KIF6: variants seen among roughly 807,000 people sequenced by gnomAD.
KIF6 encodes the protein kinesin-like protein KIF6.
KIF6 carries 106 observed loss-of-function variants against 112.7 expected under a neutral mutation model. The observed-to-expected ratio is 0.94, with a 90% confidence interval of 0.80 to 1.11. The LOEUF (loss-of-function observed/expected upper bound fraction) is 1.11, where lower values mean the gene tolerates loss of function less well. KIF6 is among the 50% of genes least tolerant of loss of function. The pLI is 0.00. For missense variants in KIF6, 929 were observed against 964.0 expected (o/e 0.96, Z 0.48); for synonymous variants, 339 against 339.9 (o/e 1.00, Z 0.03).
intron 7 of KIF6, among the ~76,000 whole-genome samples, chr6:39,590,451 A>ATATATATATATATATT (rs1338373703): frequency 1.2e-5 from 1 of 84,776 alleles, no homozygotes; most frequent in African/African-American, 5.1e-5. Context: ...ATATATATAT[A>ATATATATATATATATT]TTTTTTTTTT....
intron 19 of KIF6, among the ~76,000 whole-genome samples, chr6:39,355,425 G>C (rs1320064380): frequency 6.6e-6 from 1 of 151,652 alleles, no homozygotes; most frequent in Non-Finnish European, 1.5e-5. Flanking sequence ...TTGGTGTTGA[G>C]GGCTCACTGG....
chr6:39,667,034 A>T (rs1421362283), intron 3 of KIF6, among the ~76,000 whole-genome samples: 1 of 152,166 alleles, frequency 6.6e-6, no homozygotes, highest in Non-Finnish European at 1.5e-5. Context: ...AGTTTCACAG[A>T]TCTCTTTCAC....
chr6:39,510,844 G>T (rs1381652122), intron 13 of KIF6, among the ~76,000 whole-genome samples: 68 of 76,988 alleles, frequency 8.8e-4, no homozygotes, highest in Non-Finnish European at 1.6e-4. Flanking sequence ...TAAAGCGATG[G>T]AAGAAGATCT....
At chr6:39,429,711 A>C (rs1446314160) in intron 14 of KIF6, among the ~76,000 whole-genome samples, 1 of 152,182 alleles carries the variant, frequency 6.6e-6, no homozygotes, top group African/African-American at 2.4e-5. Context: ...AGATGAGACC[A>C]TCGTGGCTAA....
chr6:39,476,237 CT>C (rs1436916736), intron 13 of KIF6, among the ~76,000 whole-genome samples: 1 of 151,488 alleles, frequency 6.6e-6, no homozygotes, highest in African/African-American at 2.4e-5. Context: ...AGAAAAGTCA[CT>C]TCAAGTACCA....
intron 10 of KIF6, among the ~76,000 whole-genome samples, chr6:39,570,303 C>A (rs1780573603): frequency 6.6e-6 from 1 of 152,038 alleles, no homozygotes; most frequent in Non-Finnish European, 1.5e-5. Context: ...TGGTAGAGAC[C>A]AGGTCTGGGG....
rs747451614 is a variant in KIF6, at chr6:39,343,749, G to A, written c.2388C>T (p.Ile796=). ...TGCTCTGTCTGGCCTTGATGAAGGC[G>A]ATGATGTCCGAGTCCGTCTGGCTGT... ...TGDSQTDSDI[I]AFIKARQSIL... Residue 796 remains isoleucine (I), a synonymous_variant, in exon 22 of 23, where the codon ATC becomes ATT. Coordinates refer to ENST00000287152, the MANE Select transcript of KIF6 (RefSeq NM_145027.6). The surrounding 1 kb of genome is among the most constrained non-coding windows in gnomAD (Gnocchi z 4.1). 8.3e-5 allele frequency: 134 copies of A among 1,613,120 alleles called. No homozygotes were observed. Among genetic ancestry groups the A allele is most frequent in the Middle Eastern group, 1.7e-4 (1 of 6,058 alleles).
chr6:39,529,770 G>C (rs1275525326), intron 13 of KIF6, among the ~76,000 whole-genome samples: 1 of 151,976 alleles, frequency 6.6e-6, no homozygotes, highest in Non-Finnish European at 1.5e-5. Context: ...CTGGGCGACA[G>C]AGCGAGACTC....
intron 19 of KIF6, 51 bp from the exon 20 acceptor site, chr6:39,346,577 G>C (rs2113916844): frequency 1.5e-6 from 1 of 668,332 alleles, no homozygotes; most frequent in South Asian, 1.7e-5. Flanking sequence ...ATAGTATTTT[G>C]TTATAGCAGC....
intron 3 of KIF6, among the ~76,000 whole-genome samples, chr6:39,640,549 C>T (rs192717407): frequency 4.6e-5 from 7 of 152,212 alleles, no homozygotes; most frequent in African/African-American, 1.7e-4. Context: ...AAACTAGCTA[C>T]GATGACATCA....
At chr6:39,637,327 T>C (rs1784672458) in intron 4 of KIF6, among the ~76,000 whole-genome samples, 1 of 152,080 alleles carries the variant, frequency 6.6e-6, no homozygotes, top group Non-Finnish European at 1.5e-5. Context: ...CACTGAGCTA[T>C]GTGGCAAGCT....
intron 10 of KIF6, among the ~76,000 whole-genome samples, chr6:39,559,967 C>G (rs1156509633): frequency 6.6e-6 from 1 of 152,074 alleles, no homozygotes; most frequent in Admixed American, 6.5e-5. Context: ...AAATATTGCA[C>G]CAGACATATT....
intron 5 of KIF6, among the ~76,000 whole-genome samples, chr6:39,626,294 A>G (rs980385994): frequency 1.3e-5 from 2 of 152,192 alleles, no homozygotes; most frequent in Non-Finnish European, 2.9e-5. Context: ...AGAGTCTGAC[A>G]TGCACCAGAT....
At chr6:39,531,057 C>A (rs58848077) in intron 13 of KIF6, among the ~76,000 whole-genome samples, 1 of 152,178 alleles carries the variant, frequency 6.6e-6, no homozygotes, top group East Asian at 1.9e-4. Flanking sequence ...TCAATCCCTC[C>A]CCCAAATGGT....
chr6:39,487,990 C>CATCTATCTATCT (rs1464871982), intron 13 of KIF6, among the ~76,000 whole-genome samples: 15,366 of 150,892 alleles, frequency 0.1, 803 homozygotes, highest in Middle Eastern at 0.12. Flanking sequence ...CATTTATAGG[C>CATCTATCTATCT]ATCTATCTAT....
intron 3 of KIF6, among the ~76,000 whole-genome samples, chr6:39,708,973 A>G (rs1789376619): frequency 6.6e-6 from 1 of 152,064 alleles, no homozygotes; most frequent in Admixed American, 6.6e-5. Context: ...CTTAAATCTT[A>G]CCTTTATAAA....
intron 15 of KIF6, among the ~76,000 whole-genome samples, chr6:39,387,335 T>C (rs544488333): frequency 1.3e-3 from 191 of 152,320 alleles, no homozygotes; most frequent in African/African-American, 4.5e-3. Context: ...ATTTCTCTAC[T>C]TCGACTTGCC....
chr6:39,612,797 CTGAG>C (rs1222526251), intron 6 of KIF6, among the ~76,000 whole-genome samples: 3 of 152,100 alleles, frequency 2.0e-5, no homozygotes, highest in African/African-American at 7.2e-5. Flanking sequence ...GAAAAATGGA[CTGAG>C]TATTTTTAAA....
intron 13 of KIF6, among the ~76,000 whole-genome samples, chr6:39,509,087 G>C (rs1322908629): frequency 6.6e-6 from 1 of 152,154 alleles, no homozygotes; most frequent in Non-Finnish European, 1.5e-5. Flanking sequence ...ACCCAGGCAA[G>C]CAGGGTCTGG....
Sources: gnomAD v4.1 joint callset for allele counts (sites outside exome capture counted in the v4.1 genomes callset) on GRCh38, gnomAD v4.1.1 for gene constraint, Gnocchi (gnomAD v3.1) non-coding constraint, MANE v1.5 for transcripts, NCBI Gene and HGNC (gene_info 2026-07-23, HGNC 2026-07-21) for gene names.